The following GALC variants were observed in gnomAD, a reference collection of about 807,000 sequenced individuals.
The protein encoded by GALC is galactocerebrosidase.
In GALC, 77 loss-of-function variants were observed where a neutral mutation model predicts 91.8. The ratio of observed to expected loss-of-function variants is 0.84; its 90% confidence interval spans 0.70 to 1.01. The LOEUF (loss-of-function observed/expected upper bound fraction) is 1.01. Among genes scored for constraint, GALC ranks in the 50% least tolerant of loss-of-function variants. GALC has a pLI of 0.00. For synonymous variants in GALC, 357 were observed against 306.7 expected, an observed-to-expected ratio of 1.16 and a Z score of -1.71; for missense variants, 882 against 855.9, an observed-to-expected ratio of 1.03 and a Z score of -0.38.
upstream of GALC, chr14:87,993,596 G>A (rs1320621676): frequency 3.4e-6 from 3 of 883,790 alleles, no homozygotes; most frequent in African/African-American, 5.0e-5. Flanking sequence ...TGGAGCCTGA[G>A]TTTTCCCTTA....
chr14:87,950,878 C>G, intron 10 of GALC, 130 bp from the exon 11 acceptor site: 2 of 629,658 alleles, frequency 3.2e-6, no homozygotes, highest in Non-Finnish European at 5.8e-6. Context: ...GAGTTTATTT[C>G]ACATTTTTAA....
intron 5 of GALC, among the ~76,000 whole-genome samples, chr14:87,983,510 T>C (rs1452867295): frequency 6.6e-6 from 1 of 152,222 alleles, no homozygotes; most frequent in African/African-American, 2.4e-5. Flanking sequence ...CAAGAGCTTA[T>C]TAATCTTAGT....
At chr14:87,993,447 T>C, upstream of GALC, 1 of 1,535,838 alleles carries the variant, frequency 6.5e-7, no homozygotes. Context: ...GATTCCAAGG[T>C]CCGCCAAAGG....
chr14:87,941,818 A>C (rs898442663), intron 14 of GALC, among the ~76,000 whole-genome samples: 1 of 152,020 alleles, frequency 6.6e-6, no homozygotes, highest in African/African-American at 2.4e-5. Flanking sequence ...TTTCCTGAGA[A>C]AATTTTTTTT....
intron 5 of GALC, among the ~76,000 whole-genome samples, chr14:87,983,441 T>C (rs1256965169): frequency 6.6e-6 from 1 of 152,232 alleles, no homozygotes; most frequent in Non-Finnish European, 1.5e-5. Flanking sequence ...CCTCATGCCC[T>C]GTATCATCAT....
intron 10 of GALC, among the ~76,000 whole-genome samples, chr14:87,960,864 CTCTT>C (rs1186145054): frequency 3.3e-5 from 5 of 152,132 alleles, no homozygotes; most frequent in Non-Finnish European, 7.4e-5. Context: ...AACTCTAAAA[CTCTT>C]AAAGGAATAC....
intron 14 of GALC, among the ~76,000 whole-genome samples, chr14:87,945,244 C>T (rs1049893723): frequency 6.6e-6 from 1 of 151,846 alleles, no homozygotes; most frequent in Non-Finnish European, 1.5e-5. Context: ...CTCACAAATC[C>T]GTCTATTTAT....
chr14:87,988,347 C>A, intron 2 of GALC, 108 bp downstream of exon 2: 1 of 1,236,522 alleles, frequency 8.1e-7, no homozygotes, highest in Non-Finnish European at 1.2e-6. Context: ...AAGTAATGTG[C>A]CATTTTTTCA....
intron 1 of GALC, among the ~76,000 whole-genome samples, chr14:87,991,161 A>G (rs1887183620): frequency 6.6e-6 from 1 of 152,034 alleles, no homozygotes; most frequent in Admixed American, 6.5e-5. Flanking sequence ...TTTAGTCTAC[A>G]TTCTTTTTGT....
At chr14:87,963,833 A>G (rs1885914901) in intron 9 of GALC, among the ~76,000 whole-genome samples, 2 of 152,086 alleles carry the variant, frequency 1.3e-5, no homozygotes, top group Non-Finnish European at 2.9e-5. Flanking sequence ...AATCCATCCT[A>G]AAATAGCTAC....
upstream of GALC, chr14:87,993,291 C>A: frequency 6.5e-7 from 1 of 1,538,508 alleles, no homozygotes; most frequent in South Asian, 1.2e-5. Flanking sequence ...GGGCCTCTGA[C>A]GCAGCTGGCG....
chr14:87,976,511 A>G (rs1418239211), intron 6 of GALC, 23 bp from the exon 7 acceptor site: 3 of 1,587,038 alleles, frequency 1.9e-6, no homozygotes, highest in African/African-American at 1.3e-5. Context: ...GAAACAGAAC[A>G]TATGAAAGGA....
rs200219480 is a variant in GALC at position 87,941,512 on chromosome 14, T to C, written c.1717A>G (p.Thr573Ala). The C allele has an allele frequency of 1.4e-4, 223 of 1,596,726 alleles. No individual in the cohort carries two copies. The Admixed American group carries it at 1.8e-3, about 13-fold the overall frequency. ...KCDVYIETPDTGGVFIAGRVN... is the reference protein window; with the variant it reads ...KCDVYIETPDAGGVFIAGRVN... The stretch of plus-strand genomic sequence containing the variant: ...CTTCCTGCAATGAACACACCTCCTG[T>C]GTCAGGGGTCTCTATGTATACATCA... Residue 573 changes from threonine to alanine, a missense_variant, in exon 15 of 17, where the codon ACA becomes GCA. Transcript: ENST00000261304.
intron 8 of GALC, 33 bp from the exon 9 acceptor site, chr14:87,965,662 C>A (rs1385983315): frequency 1.2e-6 from 2 of 1,610,836 alleles, no homozygotes; most frequent in Admixed American, 3.3e-5. Flanking sequence ...AACACCAAGA[C>A]AACTTGTGAT....
chr14:87,990,332 A>C (rs1002357705), intron 1 of GALC, among the ~76,000 whole-genome samples: 3 of 152,184 alleles, frequency 2.0e-5, no homozygotes, highest in Admixed American at 2.0e-4. Context: ...TCCTGATTTC[A>C]TCATTAATAA....
chr14:87,950,959 C>T (rs1362081845), intron 10 of GALC, among the ~76,000 whole-genome samples: 1 of 151,552 alleles, frequency 6.6e-6, no homozygotes, highest in Non-Finnish European at 1.5e-5. Context: ...AGGTCAATGG[C>T]GTTTCAACTG....
chr14:87,984,253 T>C (rs1886874004), intron 5 of GALC, 141 bp downstream of exon 5: 5 of 787,798 alleles, frequency 6.3e-6, no homozygotes, highest in South Asian at 3.8e-5. Context: ...GGTACTTAGT[T>C]TGTGTTATTA....
intron 16 of GALC, among the ~76,000 whole-genome samples, chr14:87,937,005 C>A (rs1231242292): frequency 2.0e-5 from 3 of 149,240 alleles, no homozygotes; most frequent in African/African-American, 7.4e-5. Flanking sequence ...AAAATACTTG[C>A]AAGTAGAATA....
intron 12 of GALC, 40 bp downstream of exon 12, chr14:87,949,805 G>T: frequency 1.0e-6 from 1 of 996,152 alleles, no homozygotes; most frequent in Non-Finnish European, 1.6e-6. Context: ...CTGTTTTACT[G>T]TTGGAATACC....
Sources: allele counts gnomAD v4.1 joint callset (sites outside exome capture counted in the v4.1 genomes callset), GRCh38; gene constraint gnomAD v4.1.1; transcripts MANE v1.5; gene names NCBI Gene and HGNC (gene_info 2026-07-23, HGNC 2026-07-21).